Variants in PDXDC1 observed in about 807,000 individuals in gnomAD.
The protein encoded by PDXDC1 is pyridoxal dependent decarboxylase domain containing 1.
PDXDC1 carries 42 observed loss-of-function variants against 100.1 expected under a neutral mutation model. The ratio of observed to expected loss-of-function variants is 0.42; its 90% CI spans 0.33 to 0.54. The LOEUF is 0.54. Ranked by LOEUF, PDXDC1 falls within the 20% of genes least tolerant of loss-of-function variation. The pLI is 0.10. For synonymous variants in PDXDC1, 260 were observed against 371.7 expected, an observed-to-expected ratio of 0.70 and a Z score of 3.46; for missense variants, 636 against 979.2, an observed-to-expected ratio of 0.65 and a Z score of 4.68.
chr16:15,101,515 T>C (rs2046548858), intron 16 of PDXDC1, among the ~76,000 whole-genome samples: 1 of 151,700 alleles, frequency 6.6e-6, no homozygotes, highest in African/African-American at 2.4e-5. Flanking sequence ...TAGAGATTTG[T>C]TTAATAGAGA....
intron 16 of PDXDC1, chr16:15,063,403 A>C: frequency 1.3e-6 from 1 of 789,686 alleles, no homozygotes; most frequent in East Asian, 2.5e-5. Flanking sequence ...CTACAGCTTA[A>C]ATAATTACAT....
the PDXDC1 span, among the ~76,000 whole-genome samples, chr16:15,145,985 C>T: frequency 6.6e-6 from 1 of 152,218 alleles, no homozygotes; most frequent in Non-Finnish European, 1.5e-5. Context: ...CAGGGTCTCC[C>T]CCACGAGCAG....
At chr16:15,081,659 G>A (rs965749997) in intron 16 of PDXDC1, among the ~76,000 whole-genome samples, 13 of 151,714 alleles carry the variant, frequency 8.6e-5, no homozygotes, top group African/African-American at 3.2e-4. Flanking sequence ...GTCCTATGAA[G>A]CATAACAACG....
intron 12 of PDXDC1, among the ~76,000 whole-genome samples, chr16:15,021,316 G>A (rs866518667): frequency 6.6e-6 from 1 of 152,224 alleles, no homozygotes; most frequent in Non-Finnish European, 1.5e-5. Flanking sequence ...GGTCAAGGTT[G>A]CCGTGAGCCC....
At position 15,071,087 on chromosome 16, in the gene PDXDC1, T is replaced by C. The variant is rs756291258; in HGVS notation, c.1399+41031T>C. ...ATGCTATACTCTTTTTAAAGCATGATATTAAAAAGTATTCGGAAAATTAGG... is the reference window on the plus strand; with the variant it reads ...ATGCTATACTCTTTTTAAAGCATGACATTAAAAAGTATTCGGAAAATTAGG... On this transcript the variant is annotated intron_variant, in intron 16 of 16. Transcript: ENST00000535621. The C allele has an allele frequency of 3.8e-6, 6 of 1,560,088 alleles. No homozygotes were observed. In the East Asian group the frequency reaches 9.0e-5, roughly 23 times the overall value.
Position 14,989,555 on chromosome 16 carries a change from G to C in PDXDC1, c.22-8198G>C, listed in dbSNP as rs1158781652. ...GGTTGTTGAGCTGGATGCGCTGCAGGTAGACGTGGGGTCGGCCCCTGTGCG... is the reference window on the plus strand; with the variant it reads ...GGTTGTTGAGCTGGATGCGCTGCAGCTAGACGTGGGGTCGGCCCCTGTGCG... On this transcript the variant is annotated intron_variant, in intron 1 of 22. Coordinates refer to ENST00000396410, the MANE Select transcript of PDXDC1 (RefSeq NM_015027.4). 7 of 1,611,690 alleles carry C rather than the reference G, an allele frequency of 4.3e-6. No homozygotes were observed. The Admixed American group carries it at 8.3e-5, about 19-fold the overall frequency.
At chr16:15,141,366 G>A (rs1304030171), downstream of PDXDC1, among the ~76,000 whole-genome samples, 1 of 152,246 alleles carries the variant, frequency 6.6e-6, no homozygotes, top group East Asian at 1.9e-4. Context: ...CCAGGAAGCA[G>A]CCCCAGCCAC....
intron 3 of PDXDC1, among the ~76,000 whole-genome samples, chr16:15,000,254 G>C: frequency 6.6e-6 from 1 of 152,404 alleles, no homozygotes; most frequent in South Asian, 2.1e-4. Flanking sequence ...TTCACACTTA[G>C]GAGTGCTACC....
chr16:15,084,076 G>C (rs1234277109), intron 16 of PDXDC1, among the ~76,000 whole-genome samples: 2 of 152,160 alleles, frequency 1.3e-5, no homozygotes, highest in East Asian at 3.8e-4. Flanking sequence ...GAGAAAATAA[G>C]GTTCTGTTAA....
chr16:15,126,040 T>A, intron 16 of PDXDC1: 1 of 386,152 alleles, frequency 2.6e-6, no homozygotes, highest in South Asian at 3.5e-5. Context: ...TTCAATTTCA[T>A]TTTTTTTTTT....
intron 16 of PDXDC1, among the ~76,000 whole-genome samples, chr16:15,072,132 C>T (rs1173284224): frequency 1.3e-5 from 2 of 152,010 alleles, no homozygotes; most frequent in African/African-American, 4.8e-5. Context: ...TAGGCACACC[C>T]ATGTGGGCAG....
At chr16:14,979,165 G>A (rs1967374168) in intron 1 of PDXDC1, among the ~76,000 whole-genome samples, 1 of 152,402 alleles carries the variant, frequency 6.6e-6, no homozygotes, top group East Asian at 1.9e-4. Context: ...CATTTCCTCA[G>A]TCATGCTAGC....
intron 16 of PDXDC1, among the ~76,000 whole-genome samples, chr16:15,087,537 T>A (rs1232767966): frequency 6.6e-6 from 1 of 152,106 alleles, no homozygotes; most frequent in African/African-American, 2.4e-5. Flanking sequence ...ACTGAGTGCT[T>A]ACTATGCCAT....
At chr16:15,110,634 A>T (rs1395340294) in intron 16 of PDXDC1, 2 of 1,562,456 alleles carry the variant, frequency 1.3e-6, no homozygotes, top group East Asian at 4.5e-5. Context: ...GGAGAGGAGA[A>T]GGTGAGAAAC....
rs144794089 is a variant in PDXDC1, at chr16:15,028,939, G to A, written c.1266G>A (p.Arg422=). The change falls in exon 15 of 23, where the codon AGG becomes AGA. Residue 422 remains arginine, a synonymous_variant. Transcript: ENST00000396410. ...CACCTTCAGGAGTCGGCCGGGAGAG[G>A]CACTCGTGTGACGCGCTGAATCGCT... The part of the protein sequence containing the change: ...NMTPSGVGRE[R]HSCDALNRWL... The A allele has an allele frequency of 2.5e-6, 4 of 1,613,406 alleles. No individual in the cohort carries two copies. The highest frequency in any genetic ancestry group is 2.7e-5 in the African/African-American group (2 of 74,958).
At chr16:15,131,371 G>C in intron 16 of PDXDC1, 1 of 1,587,096 alleles carries the variant, frequency 6.3e-7, no homozygotes, top group Non-Finnish European at 8.6e-7. Flanking sequence ...AAAGGGAAAG[G>C]GATTGGAGTC....
chr16:15,018,323 T>G (rs2041945585), intron 11 of PDXDC1, among the ~76,000 whole-genome samples: 1 of 152,226 alleles, frequency 6.6e-6, no homozygotes, highest in Non-Finnish European at 1.5e-5. Context: ...GTGGGAGGGC[T>G]GATTGAGCCC....
chr16:15,133,404 G>C (rs2048202284), intron 16 of PDXDC1: 2 of 1,085,856 alleles, frequency 1.8e-6, no homozygotes, highest in Non-Finnish European at 2.7e-6. Flanking sequence ...TTGGGCTCTG[G>C]GAGGGTGATG....
intron 1 of PDXDC1, among the ~76,000 whole-genome samples, chr16:14,996,596 G>A (rs1281655918): frequency 9.2e-5 from 14 of 152,368 alleles, no homozygotes; most frequent in East Asian, 1.9e-4. Context: ...CAAAAAGTTC[G>A]GGCACAGTGG....
Sources: gnomAD v4.1 joint callset for allele counts (sites outside exome capture counted in the v4.1 genomes callset) on GRCh38, gnomAD v4.1.1 for gene constraint, MANE v1.5 for transcripts, NCBI Gene and HGNC (gene_info 2026-07-23, HGNC 2026-07-21) for gene names.